The following BICD1 variants were observed in gnomAD, a reference collection of about 807,000 sequenced individuals.
The protein encoded by BICD1 is protein bicaudal D homolog 1.
Under a neutral mutation model 92.5 loss-of-function variants are expected in BICD1, and 35 were observed. The ratio of observed to expected loss-of-function variants is 0.38; its 90% CI spans 0.29 to 0.50. The LOEUF (loss-of-function observed/expected upper bound fraction) is 0.50, where lower values mean the gene tolerates loss of function less well. BICD1 is among the 20% of genes least tolerant of loss of function. The probability of loss-of-function intolerance (pLI) is 0.93; values close to 1 mark genes in which losing one functional copy is unlikely to be tolerated. For synonymous variants in BICD1, 429 were observed against 465.1 expected (o/e 0.92, Z 1.00); for missense variants, 950 against 1,189.8 (o/e 0.80, Z 2.97).
intron 4 of BICD1, among the ~76,000 whole-genome samples, chr12:32,306,933 C>G (rs911223919): frequency 1.1e-4 from 17 of 151,592 alleles, no homozygotes; most frequent in African/African-American, 4.1e-4. Flanking sequence ...AGGAGAATCA[C>G]TTGAACCCGG....
chr12:32,296,188 G>C (rs1328891670), intron 3 of BICD1, among the ~76,000 whole-genome samples: 1 of 150,830 alleles, frequency 6.6e-6, no homozygotes, highest in African/African-American at 2.4e-5. Context: ...GAGAAATGTA[G>C]ACTTAGAAAA....
At chr12:32,143,983 A>G (rs1391446835) in intron 1 of BICD1, among the ~76,000 whole-genome samples, 1 of 152,206 alleles carries the variant, frequency 6.6e-6, no homozygotes, top group Non-Finnish European at 1.5e-5. Flanking sequence ...TGTCTTTTCA[A>G]AATGATCTAT....
intron 5 of BICD1, among the ~76,000 whole-genome samples, chr12:32,331,364 C>G (rs961990920): frequency 2.0e-5 from 3 of 152,026 alleles, no homozygotes; most frequent in African/African-American, 7.3e-5. Flanking sequence ...GTAAACAGTA[C>G]CACAGGAAAT....
At chr12:32,211,705 A>G (rs1454153365) in intron 1 of BICD1, among the ~76,000 whole-genome samples, 1 of 40,760 alleles carries the variant, frequency 2.5e-5, no homozygotes, top group Non-Finnish European at 4.6e-5. Context: ...AACAGTTGTG[A>G]AAAAAAAAAA....
chr12:32,246,310 G>GA (rs398055471), intron 2 of BICD1, among the ~76,000 whole-genome samples: 1,820 of 101,908 alleles, frequency 0.018, 52 homozygotes, highest in African/African-American at 0.063. Context: ...AACCCATCAG[G>GA]AAAAAAAAAA....
intron 6 of BICD1, among the ~76,000 whole-genome samples, chr12:32,334,947 C>T (rs1322111293): frequency 4.6e-5 from 7 of 152,018 alleles, no homozygotes; most frequent in African/African-American, 1.2e-4. Flanking sequence ...AATTTATGCA[C>T]CCCAAAGAGA....
intron 1 of BICD1, among the ~76,000 whole-genome samples, chr12:32,153,988 T>G (rs1010395571): frequency 3.3e-5 from 5 of 152,006 alleles, no homozygotes; most frequent in African/African-American, 1.2e-4. Flanking sequence ...TATTGTCGTA[T>G]ACTCCTGGGA....
At position 32,382,333 on chromosome 12, in the gene BICD1, TGCCTTTAGTGTAAGG is replaced by T. The variant is rs1940210363; in HGVS notation, c.*4709_*4723del. 6.6e-6 allele frequency: 1 copy of T among 152,164 alleles called. No homozygotes were observed. Among genetic ancestry groups the T allele is most frequent in the African/African-American group, 2.4e-5 (1 of 41,472 alleles). 9.4% of individuals were successfully genotyped at this position (152,164 alleles called of 1,614,324 possible). A position where few individuals can be genotyped will look rare whatever the true frequency, so the allele number is the denominator to read the frequency against. On this transcript the variant is annotated 3_prime_UTR_variant, in exon 10 of 10. Transcript: ENST00000652176. ...CTTAAGAAGAAGAAGAGCAATTAAC[TGCCTTTAGTGTAAGG>T]GCGAGAGTGCATAGAAATATGCAAT...
intron 1 of BICD1, among the ~76,000 whole-genome samples, chr12:32,129,925 T>G (rs1942479857): frequency 6.6e-6 from 1 of 152,208 alleles, no homozygotes; most frequent in Admixed American, 6.5e-5. Context: ...CTGACTTATT[T>G]GGTTTTAGAA....
At position 32,252,966 on chromosome 12, in the gene BICD1, G is replaced by T. The variant is rs115449260; in HGVS notation, c.426+36507G>T. 5.6e-3 allele frequency among the ~76,000 whole-genome samples: 851 copies of T among 152,208 alleles called. 6 individuals carry two copies. The highest frequency in any genetic ancestry group is 0.019 in the African/African-American group (805 of 41,534). On this transcript the variant is annotated intron_variant, in intron 2 of 9. Coordinates refer to ENST00000652176, the MANE Select transcript of BICD1 (RefSeq NM_001714.4). ...GGCTCATTGCAACCTCTGCCTCCCG[G>T]GTTCATATGGAAGGCAGAGGATTCT... is the stretch of plus-strand genomic sequence containing the variant.
intron 1 of BICD1, among the ~76,000 whole-genome samples, chr12:32,213,619 C>G (rs768206752): frequency 9.2e-5 from 14 of 152,192 alleles, no homozygotes; most frequent in Admixed American, 7.9e-4. Context: ...TGGTCTTGAA[C>G]TCCTGACCTC....
intron 4 of BICD1, among the ~76,000 whole-genome samples, chr12:32,306,496 G>A (rs1379401363): frequency 6.6e-6 from 1 of 151,860 alleles, no homozygotes; most frequent in Non-Finnish European, 1.5e-5. Context: ...CGCCCGCCTT[G>A]GCCTCCAAAG....
chr12:32,257,235 A>AAAAAAAAC (rs1946744338), intron 2 of BICD1, among the ~76,000 whole-genome samples: 1 of 147,182 alleles, frequency 6.8e-6, no homozygotes, highest in Non-Finnish European at 1.5e-5. Flanking sequence ...AAAAAAAAAA[A>AAAAAAAAC]TCTTTTTAAA....
intron 2 of BICD1, among the ~76,000 whole-genome samples, chr12:32,280,067 C>G (rs995226222): frequency 2.6e-5 from 4 of 151,842 alleles, no homozygotes; most frequent in Non-Finnish European, 4.4e-5. Flanking sequence ...CATTGCACGC[C>G]AGCCTGGGCA....
chr12:32,228,506 G>A (rs559878487), intron 2 of BICD1, among the ~76,000 whole-genome samples: 1 of 152,310 alleles, frequency 6.6e-6, no homozygotes, highest in South Asian at 2.1e-4. Flanking sequence ...AGTGAAATGA[G>A]GAGCTACAGG....
chr12:32,345,330 A>G (rs1037984842), intron 8 of BICD1, among the ~76,000 whole-genome samples: 3 of 151,950 alleles, frequency 2.0e-5, no homozygotes, highest in Non-Finnish European at 4.4e-5. Flanking sequence ...TGTCAACCAC[A>G]TGTTGAGAAA....
At position 32,135,463 on chromosome 12, in the gene BICD1, C is replaced by T. The variant is rs566490640; in HGVS notation, c.213+27919C>T. On this transcript the variant is annotated intron_variant, in intron 1 of 9. Transcript: ENST00000652176. ...TCACCTAGGCTGGAGTGCAGTGAGA[C>T]AAACACAGCTCACTGCAGCCTAGAC... is the stretch of plus-strand genomic sequence containing the variant. 7.2e-5 allele frequency among the ~76,000 whole-genome samples: 7 copies of T among 97,476 alleles called. No homozygotes were observed. The South Asian group carries it at 1.5e-3, about 20-fold the overall frequency. The allele number at this position is 97,476 out of a possible 152,430, so 63.9% of individuals were successfully genotyped here. A position where few individuals can be genotyped will look rare whatever the true frequency, so the allele number is the denominator to read the frequency against.
At position 32,380,108 on chromosome 12, in the gene BICD1, A is replaced by G. The variant is rs1940129225; in HGVS notation, c.*2481A>G. The G allele has an allele frequency of 6.6e-6, 1 of 152,242 alleles. No homozygotes were observed. 9.4% of individuals were successfully genotyped at this position (152,242 alleles called of 1,614,324 possible). On this transcript the variant is annotated 3_prime_UTR_variant, in exon 10 of 10. Transcript: ENST00000652176. ...TTTAGTGAATCTTTGCCAAGAAGTT[A>G]TAGAAACTTGGAAATAAATTTCTCA...
chr12:32,331,566 G>A (rs918167433), intron 5 of BICD1, among the ~76,000 whole-genome samples: 1 of 152,084 alleles, frequency 6.6e-6, no homozygotes, highest in Non-Finnish European at 1.5e-5. Context: ...ATTTACTTAT[G>A]TTTCATGTAT....
Sources: gnomAD v4.1 joint callset for allele counts (sites outside exome capture counted in the v4.1 genomes callset) on GRCh38, gnomAD v4.1.1 for gene constraint, MANE v1.5 for transcripts, NCBI Gene and HGNC (gene_info 2026-07-23, HGNC 2026-07-21) for gene names.